ZNF138: variants seen among roughly 807,000 people sequenced by gnomAD.
ZNF138 encodes zinc finger protein 138.
Under a neutral mutation model 33.0 loss-of-function variants are expected in ZNF138, and 33 were observed. The observed-to-expected ratio is 1.00, with a 90% CI of 0.76 to 1.34. The LOEUF is 1.34. Ranked by LOEUF, ZNF138 falls within the 40% of genes most tolerant of loss-of-function variation. ZNF138 has a pLI of 0.00. For missense variants in ZNF138, 360 were observed against 370.8 expected (o/e 0.97, Z 0.24); for synonymous variants, 139 against 120.4 (o/e 1.15, Z -1.01).
chr7:64,809,975 T>G, intron 1 of ZNF138, among the ~76,000 whole-genome samples: 2 of 70,608 alleles, frequency 2.8e-5, no homozygotes, highest in African/African-American at 5.9e-5. Flanking sequence ...CTTTCCAGAC[T>G]GGGCAGCCAG....
At chr7:64,837,825 A>G (rs1488267138), downstream of ZNF138, among the ~76,000 whole-genome samples, 1 of 152,224 alleles carries the variant, frequency 6.6e-6, no homozygotes, top group African/African-American at 2.4e-5. Flanking sequence ...GTGGTAGGGC[A>G]GGCTTTAACC....
intron 1 of ZNF138, among the ~76,000 whole-genome samples, chr7:64,810,460 A>AGGGGGC (rs1187239904): frequency 2.3e-5 from 3 of 129,236 alleles, no homozygotes; most frequent in African/African-American, 8.5e-5. Context: ...GGAGAGGGGG[A>AGGGGGC]GGGGGAGAGG....
Position 64,832,081 on chromosome 7 carries a change from A to T in ZNF138, c.839A>T (p.Lys280Ile). ...KIIHTEEKPY[K>I]CEQCGKVFKQ... ...ATTCATACTGAAGAGAAACCCTACA[A>T]ATGTGAACAATGTGGCAAGGTCTTT... The change falls in exon 4 of 4, where the codon AAA becomes ATA. Residue 280 changes from lysine to isoleucine, a missense_variant. By Grantham distance (102) the Lys-to-Ile change is moderately radical. Transcript: ENST00000307355. 1 of 1,613,818 alleles carries T rather than the reference A, an allele frequency of 6.2e-7. No individual in the cohort carries two copies. The highest frequency in any genetic ancestry group is 1.3e-5 in the African/African-American group (1 of 75,036).
intron 3 of ZNF138, among the ~76,000 whole-genome samples, chr7:64,819,842 A>G (rs1236815803): frequency 6.8e-6 from 1 of 148,020 alleles, no homozygotes; most frequent in Admixed American, 6.7e-5. Flanking sequence ...GGAGGCCAAG[A>G]CAAGAGGATT....
At chr7:64,819,135 C>G (rs1788908515) in intron 3 of ZNF138, among the ~76,000 whole-genome samples, 1 of 152,106 alleles carries the variant, frequency 6.6e-6, no homozygotes, top group Non-Finnish European at 1.5e-5. Context: ...AAATCAGGAA[C>G]ATGTCTGTCA....
chr7:64,803,683 C>A (rs919232044), intron 1 of ZNF138, among the ~76,000 whole-genome samples: 6 of 152,030 alleles, frequency 3.9e-5, no homozygotes, highest in African/African-American at 1.5e-4. Flanking sequence ...TTAGTAATTT[C>A]AATATTTTTA....
downstream of ZNF138, among the ~76,000 whole-genome samples, chr7:64,834,965 T>C (rs1300216478): frequency 2.0e-5 from 3 of 152,246 alleles, no homozygotes; most frequent in African/African-American, 7.2e-5. Context: ...AAAATCTTTA[T>C]TGAGCTCTCG....
chr7:64,797,336 T>G (rs1786769377), intron 1 of ZNF138, among the ~76,000 whole-genome samples: 1 of 152,234 alleles, frequency 6.6e-6, no homozygotes, highest in South Asian at 2.1e-4. Context: ...GATTACATAC[T>G]TTTGCATTTG....
At chr7:64,846,974 A>C in the ZNF138 span, among the ~76,000 whole-genome samples, 3 of 151,902 alleles carry the variant, frequency 2.0e-5, no homozygotes, top group African/African-American at 7.3e-5. Flanking sequence ...TCATAAAGGG[A>C]TCCTGGAATT....
chr7:64,848,798 G>A, the ZNF138 span, among the ~76,000 whole-genome samples: 22 of 143,670 alleles, frequency 1.5e-4, no homozygotes, highest in East Asian at 2.4e-3. Flanking sequence ...TCCACCTCCC[G>A]GGTTCACGCC....
chr7:64,818,608 C>T lies in ZNF138; in HGVS notation c.208+2955C>T, dbSNP rs182408246. On this transcript the variant is annotated intron_variant, in intron 3 of 3. Transcript: ENST00000307355. Reference sequence around the variant, plus strand: ...GTACTAAAAATACAAAAATTAGCTGCGCATGGTGTCGCATGCCTGTAATCC... The same window carrying T: ...GTACTAAAAATACAAAAATTAGCTGTGCATGGTGTCGCATGCCTGTAATCC... 3.7e-3 allele frequency among the ~76,000 whole-genome samples: 568 copies of T among 151,834 alleles called. 3 individuals are homozygous for T. The highest frequency in any genetic ancestry group is 3.4e-3 in the Non-Finnish European group (229 of 67,908).
At chr7:64,820,968 A>G (rs1034953587) in intron 3 of ZNF138, among the ~76,000 whole-genome samples, 3 of 150,900 alleles carry the variant, frequency 2.0e-5, no homozygotes, top group Admixed American at 6.6e-5. Flanking sequence ...TTTTTATTGC[A>G]TTATCAACAG....
At chr7:64,809,239 T>G (rs1455639230) in intron 1 of ZNF138, among the ~76,000 whole-genome samples, 1 of 57,116 alleles carries the variant, frequency 1.8e-5, no homozygotes, top group African/African-American at 6.5e-5. Flanking sequence ...CCCTCCCGGG[T>G]GGGGCGGCTG....
intron 1 of ZNF138, among the ~76,000 whole-genome samples, chr7:64,802,779 C>T (rs562214580): frequency 5.3e-5 from 8 of 152,190 alleles, no homozygotes; most frequent in East Asian, 3.9e-4. Flanking sequence ...TCTAGTGAGC[C>T]GCAAGATCTT....
intron 1 of ZNF138, among the ~76,000 whole-genome samples, chr7:64,812,200 C>T (rs1444782061): frequency 6.6e-6 from 1 of 151,420 alleles, no homozygotes; most frequent in Admixed American, 6.6e-5. Context: ...GCTCTGTCTG[C>T]CAGGCTAGAA....
intron 3 of ZNF138, chr7:64,831,025 G>A (rs1790039311): frequency 6.4e-7 from 1 of 1,551,840 alleles, no homozygotes; most frequent in South Asian, 1.2e-5. Context: ...TTTATGTCAT[G>A]GGAAACAGAA....
the ZNF138 span, among the ~76,000 whole-genome samples, chr7:64,849,508 A>T: frequency 1.3e-5 from 2 of 152,062 alleles, no homozygotes; most frequent in African/African-American, 4.8e-5. Flanking sequence ...GACTCCCAAG[A>T]ATATATGATA....
intron 3 of ZNF138, among the ~76,000 whole-genome samples, chr7:64,817,833 A>G (rs2129004150): frequency 6.6e-6 from 1 of 152,194 alleles, no homozygotes; most frequent in East Asian, 1.9e-4. Flanking sequence ...GCTAGAATTT[A>G]TAAGTTATGC....
At chr7:64,846,024 T>C in the ZNF138 span, among the ~76,000 whole-genome samples, 1 of 152,230 alleles carries the variant, frequency 6.6e-6, no homozygotes, top group African/African-American at 2.4e-5. Flanking sequence ...AGGTTGTCCT[T>C]TTCCCACTTT....
Sources: allele counts gnomAD v4.1 joint callset (sites outside exome capture counted in the v4.1 genomes callset), GRCh38; gene constraint gnomAD v4.1.1; transcripts MANE v1.5; gene names NCBI Gene and HGNC (gene_info 2026-07-23, HGNC 2026-07-21).